GPR143: variants seen among roughly 807,000 people sequenced by gnomAD.
GPR143 encodes the protein G-protein coupled receptor 143.
Under a neutral mutation model 27.6 loss-of-function variants are expected in GPR143, and 8 were observed. The ratio of observed to expected loss-of-function variants is 0.29; its 90% CI spans 0.17 to 0.52. The LOEUF (loss-of-function observed/expected upper bound fraction) is 0.52. Ranked by LOEUF, GPR143 falls within the 20% of genes least tolerant of loss-of-function variation. The probability of loss-of-function intolerance (pLI) is 0.96; values close to 1 mark genes in which losing one functional copy is unlikely to be tolerated. For missense variants in GPR143, 303 were observed against 343.1 expected, an observed-to-expected ratio of 0.88 and a Z score of 0.92; for synonymous variants, 156 against 153.2, an observed-to-expected ratio of 1.02 and a Z score of -0.13.
At chrX:9,772,548 C>G (rs775196587) in intron 1 of GPR143, among the ~76,000 whole-genome samples, 1 of 111,470 alleles carries the variant, frequency 9.0e-6, no homozygotes, top group Non-Finnish European at 1.9e-5. Flanking sequence ...CTGACCTGGG[C>G]GCAGTGGCTT....
chrX:9,761,449 A>G lies in GPR143; in HGVS notation c.251-623T>C, dbSNP rs376758480. Among the ~76,000 whole-genome samples, 10 of 112,605 alleles carry G rather than the reference A, an allele frequency of 8.9e-5. No homozygotes were observed. In the East Asian group the frequency reaches 2.5e-3, roughly 28 times the overall value. On this transcript the variant is annotated intron_variant, in intron 1 of 8. Transcript: ENST00000467482. ...AAACGCAGGCACTTTAACGCAAACC[A>G]TAGTTGGCCACAGTCTCATCCCTAT...
rs1344058673 is a variant in GPR143, at chrX:9,765,548, C to T, written c.250+20G>A. 9.2e-6 allele frequency: 10 copies of T among 1,083,204 alleles called. No individual in the cohort carries two copies. Among genetic ancestry groups the T allele is most frequent in the African/African-American group, 1.9e-5 (1 of 52,366 alleles). 89.3% of individuals were successfully genotyped at this position (1,083,204 alleles called of 1,213,427 possible). A position where few individuals can be genotyped will look rare whatever the true frequency, so the allele number is the denominator to read the frequency against. Reference sequence around the variant, plus strand: ...CAGGCGCTGATCAGATTCCAACCCGCGGGCCGCGCGCGCCCTTACCCAGGC... The same window carrying T: ...CAGGCGCTGATCAGATTCCAACCCGTGGGCCGCGCGCGCCCTTACCCAGGC... On this transcript the variant is annotated intron_variant, in intron 1 of 8. Transcript: ENST00000467482.
At chrX:9,768,315 C>T (rs997459080), upstream of GPR143, among the ~76,000 whole-genome samples, 5 of 111,809 alleles carry the variant, frequency 4.5e-5, no homozygotes, top group Non-Finnish European at 7.5e-5. Flanking sequence ...TTACTTGAGC[C>T]CAAGAGTTTG....
At chrX:9,768,813 G>A (rs777483734), upstream of GPR143, among the ~76,000 whole-genome samples, 2 of 111,005 alleles carry the variant, frequency 1.8e-5, no homozygotes, top group South Asian at 7.7e-4. Flanking sequence ...GAGCAGCTGG[G>A]ACCACAGGCA....
chrX:9,763,656 G>A (rs764715119), intron 1 of GPR143, among the ~76,000 whole-genome samples: 20 of 111,679 alleles, frequency 1.8e-4, no homozygotes, highest in Non-Finnish European at 2.8e-4. Context: ...CGAATCCCAC[G>A]TACAGGGATT....
Position 9,746,168 on chromosome X carries a change from C to A in GPR143, c.549-15G>T. 9.6e-7 allele frequency: 1 copy of A among 1,042,909 alleles called. No homozygotes were observed. The highest frequency in any genetic ancestry group is 1.3e-6 in the Non-Finnish European group (1 of 741,325). 85.9% of individuals were successfully genotyped at this position (1,042,909 alleles called of 1,213,427 possible). On this transcript the variant is annotated splice_polypyrimidine_tract_variant and intron_variant, in intron 4 of 8. Transcript: ENST00000467482. ...CCCGCTCACACCTGAGAGAGGAAAA[C>A]CAAAGTCATTCTTCTCAAAAGCAAA...
At position 9,745,293 on chromosome X, in the gene GPR143, C is replaced by T. The variant is rs769269704; in HGVS notation, c.658+751G>A. On this transcript the variant is annotated intron_variant, in intron 5 of 8. Transcript: ENST00000467482. ...AAGTGTAGATATGAAGAGAATGGTC[C>T]GAAGAATCACAATAATTTCCTATTA... Among the ~76,000 whole-genome samples the T allele has an allele frequency of 2.7e-5, 3 of 112,210 alleles. No individual in the cohort carries two copies. The South Asian group carries it at 1.1e-3, about 42-fold the overall frequency.
At chrX:9,752,157 C>T (rs945477358) in intron 3 of GPR143, among the ~76,000 whole-genome samples, 1 of 112,622 alleles carries the variant, frequency 8.9e-6, no homozygotes, top group South Asian at 3.6e-4. Context: ...TAACTTCAAA[C>T]TCCTGAGCTC....
At position 9,725,774 on chromosome X, in the gene GPR143, G is replaced by A; in HGVS notation, c.1187C>T (p.Pro396Leu). ...SESCNKNEGD[P>L]ALPTHGDL ...TAGGTCTCCATGGGTTGGGAGAGCA[G>A]GGTCACCCTCATTTTTGTTGCAGGA... Residue 396 changes from proline (P) to leucine (L), a missense_variant, in exon 9 of 9, where the codon CCT becomes CTT. Physicochemically the swap from Pro to Leu is moderately conservative, Grantham distance 98. Coordinates refer to ENST00000467482, the MANE Select transcript of GPR143 (RefSeq NM_000273.3). 8.3e-7 allele frequency: 1 copy of A among 1,208,814 alleles called. No homozygotes were observed. Among genetic ancestry groups the A allele is most frequent in the East Asian group, 3.0e-5 (1 of 33,815 alleles).
intron 3 of GPR143, among the ~76,000 whole-genome samples, chrX:9,758,893 A>G (rs1370958240): frequency 8.9e-6 from 1 of 112,387 alleles, no homozygotes; most frequent in African/African-American, 3.2e-5. Flanking sequence ...GCCTCTAAAA[A>G]GTAAAAAATA....
At chrX:9,762,789 A>G (rs778910973) in intron 1 of GPR143, among the ~76,000 whole-genome samples, 15 of 111,193 alleles carry the variant, frequency 1.3e-4, no homozygotes, top group African/African-American at 4.9e-4. Flanking sequence ...GCCCTATCCC[A>G]TGGGCATTGA....
At chrX:9,764,529 CACACACACACACACAG>C (rs1373225971) in intron 1 of GPR143, among the ~76,000 whole-genome samples, 2 of 96,575 alleles carry the variant, frequency 2.1e-5, no homozygotes, top group Non-Finnish European at 4.4e-5. Context: ...CACACACACA[CACACACACACACACAG>C]AGCGAGACAG....
In GPR143 at chrX:9,773,812, C is replaced by T. The variant is rs1439762231; in HGVS notation, c.-3+12430G>A. On this transcript the variant is annotated intron_variant, in intron 1 of 7. Transcript: ENST00000447366. Reference sequence around the variant, plus strand: ...CAGGGAAGTTGAAGCTGCAGTGAGCCGAGGTCGCACCACTTCACTCCAGCC... The same window carrying T: ...CAGGGAAGTTGAAGCTGCAGTGAGCTGAGGTCGCACCACTTCACTCCAGCC... 3.6e-5 allele frequency among the ~76,000 whole-genome samples: 4 copies of T among 110,195 alleles called. No individual in the cohort carries two copies. In the South Asian group the frequency reaches 1.2e-3, roughly 33 times the overall value.
intron 8 of GPR143, among the ~76,000 whole-genome samples, chrX:9,730,858 A>G (rs1166768765): frequency 1.8e-5 from 2 of 111,041 alleles, no homozygotes; most frequent in Non-Finnish European, 3.8e-5. Flanking sequence ...CCTCACAGGT[A>G]CTCCTGCCTT....
chrX:9,748,822 G>T (rs1025414396), intron 3 of GPR143, among the ~76,000 whole-genome samples, 156 bp from the exon 4 acceptor site: 1 of 112,732 alleles, frequency 8.9e-6, no homozygotes, highest in Admixed American at 9.3e-5. Context: ...AGGTTGGTTG[G>T]TTGTTTTCCA....
intron 1 of GPR143, among the ~76,000 whole-genome samples, chrX:9,773,988 A>G (rs1028250972): frequency 7.2e-5 from 8 of 110,903 alleles, no homozygotes; most frequent in Admixed American, 3.9e-4. Flanking sequence ...TGTTCAATCA[A>G]AAGTCAGCAA....
intron 2 of GPR143, 73 bp downstream of exon 2, chrX:9,760,644 C>G (rs1312156659): frequency 1.0e-5 from 6 of 578,212 alleles, no homozygotes; most frequent in East Asian, 7.2e-5. Context: ...TAACAGACTC[C>G]CAGGGTTTGC....
Position 9,725,723 on chromosome X carries a change from T to C in GPR143, c.*23A>G. The C allele has an allele frequency of 9.1e-7, 1 of 1,098,754 alleles. No homozygotes were observed. The highest frequency in any genetic ancestry group is 1.3e-6 in the Non-Finnish European group (1 of 793,858). 90.5% of individuals were successfully genotyped at this position (1,098,754 alleles called of 1,213,427 possible). On this transcript the variant is annotated 3_prime_UTR_variant, in exon 9 of 9. Transcript: ENST00000467482. Reference sequence around the variant, plus strand: ...ATTGTTGAGTCTGAGGAATATGGGGTCTGGACCCCCAGCACATCCCCTTCA... The same window carrying C: ...ATTGTTGAGTCTGAGGAATATGGGGCCTGGACCCCCAGCACATCCCCTTCA...
intron 8 of GPR143, among the ~76,000 whole-genome samples, chrX:9,731,073 A>G (rs1016239159): frequency 8.9e-6 from 1 of 112,106 alleles, no homozygotes; most frequent in African/African-American, 3.2e-5. Context: ...CTGTCTTGAA[A>G]GAAGTGCTCT....
Sources: gnomAD v4.1 joint callset for allele counts (sites outside exome capture counted in the v4.1 genomes callset) on GRCh38, gnomAD v4.1.1 for gene constraint, MANE v1.5 for transcripts, NCBI Gene and HGNC (gene_info 2026-07-23, HGNC 2026-07-21) for gene names.